The following LY75 variants were observed in gnomAD, a reference collection of about 807,000 sequenced individuals.
LY75 encodes the protein lymphocyte antigen 75, also known as C-type lectin domain family 13 member B.
Under a neutral mutation model 231.7 loss-of-function variants are expected in LY75, and 185 were observed. That is an observed-to-expected ratio of 0.80 (90% CI 0.71 to 0.90). The LOEUF (loss-of-function observed/expected upper bound fraction) is 0.90, where lower values mean the gene tolerates loss of function less well. Among genes scored for constraint, LY75 ranks in the 40% least tolerant of loss-of-function variants. The pLI is 0.00. For synonymous variants in LY75, 668 were observed against 689.0 expected (o/e 0.97, Z 0.48); for missense variants, 1,947 against 2,050.2 (o/e 0.95, Z 0.97).
At chr2:159,892,036 A>G (rs1241737602) in intron 3 of LY75, among the ~76,000 whole-genome samples, 2 of 152,196 alleles carry the variant, frequency 1.3e-5, no homozygotes, top group African/African-American at 4.8e-5. Flanking sequence ...CTCTAATTAG[A>G]TATGTAATCC....
intron 27 of LY75, 95 bp from the exon 28 acceptor site, chr2:159,831,881 T>C: frequency 2.1e-6 from 2 of 942,546 alleles, no homozygotes; most frequent in Admixed American, 3.1e-5. Flanking sequence ...CAGTTTAATA[T>C]ACTTCAAAAT....
intron 23 of LY75, among the ~76,000 whole-genome samples, chr2:159,846,410 C>T (rs1162369416): frequency 6.6e-6 from 1 of 152,098 alleles, no homozygotes; most frequent in Non-Finnish European, 1.5e-5. Flanking sequence ...TCCTGCAGTC[C>T]TAGCTACTTG....
At position 159,899,079 on chromosome 2, in the gene LY75, A is replaced by G. The variant is rs770034557; in HGVS notation, c.95-20T>C. 1.2e-6 allele frequency: 2 copies of G among 1,601,872 alleles called. No individual in the cohort carries two copies. Among genetic ancestry groups the G allele is most frequent in the Non-Finnish European group, 1.7e-6 (2 of 1,174,404 alleles). ...CATTAGCTGAGTCAAATGGACAGAC[A>G]GATTGTAGATTATGTGGTTGAAGCG... On this transcript the variant is annotated intron_variant, in intron 1 of 34. Transcript: ENST00000263636.
chr2:159,838,089 T>C (rs367677572), intron 25 of LY75, among the ~76,000 whole-genome samples: 5 of 152,324 alleles, frequency 3.3e-5, no homozygotes, highest in Admixed American at 2.6e-4. Context: ...TGCATGAATT[T>C]ATAGAAAAAT....
chr2:159,898,313 A>G lies in LY75; in HGVS notation c.466+375T>C, dbSNP rs371673283. ...TCTTTTAAAACTTAGAATAAGATCA[A>G]CATTATTAGATCATTTGACTTTTAG... On this transcript the variant is annotated intron_variant, in intron 2 of 34. Transcript: ENST00000263636. Among the ~76,000 whole-genome samples, 35 of 152,230 alleles carry G rather than the reference A, an allele frequency of 2.3e-4. No homozygotes were observed. In the East Asian group the frequency reaches 3.3e-3, roughly 14 times the overall value.
In LY75 at chr2:159,835,575, T is replaced by C. The variant is rs777861767; in HGVS notation, c.3578A>G (p.Gln1193Arg). 2 of 1,613,850 alleles carry C rather than the reference T, an allele frequency of 1.2e-6. No homozygotes were observed. The highest frequency in any genetic ancestry group is 2.2e-5 in the South Asian group (2 of 90,988). ...GTCTAATACTACACAGTCTTCGAGTTGCCCATTAGTTTCAGCCCAGCGACT... is the reference window on the plus strand; with the variant it reads ...GTCTAATACTACACAGTCTTCGAGTCGCCCATTAGTTTCAGCCCAGCGACT... ...HFSRWAETNG[Q>R]LEDCVVLDTD... The change falls in exon 26 of 35, where the codon CAA (glutamine) becomes CGA (arginine). Residue 1193 changes from glutamine to arginine, a missense_variant. Transcript: ENST00000263636.
intron 2 of LY75, among the ~76,000 whole-genome samples, chr2:159,896,685 T>C (rs1685917051): frequency 6.6e-6 from 1 of 152,148 alleles, no homozygotes; most frequent in African/African-American, 2.4e-5. Context: ...TATACATAAA[T>C]TGAAAAGGGT....
chr2:159,820,039 T>C, intron 28 of LY75, 119 bp from the exon 29 acceptor site: 1 of 912,990 alleles, frequency 1.1e-6, no homozygotes, highest in Non-Finnish European at 1.6e-6. Context: ...TAAAAGGTTG[T>C]ATGATTATGT....
At chr2:159,813,682 A>T (rs1244086562) in intron 31 of LY75, among the ~76,000 whole-genome samples, 1 of 152,122 alleles carries the variant, frequency 6.6e-6, no homozygotes, top group African/African-American at 2.4e-5. Context: ...TTTAGGGCCC[A>T]CCATTATCCA....
intron 25 of LY75, among the ~76,000 whole-genome samples, chr2:159,835,847 A>C (rs1367632633): frequency 6.6e-6 from 1 of 152,162 alleles, no homozygotes; most frequent in African/African-American, 2.4e-5. Flanking sequence ...CATATAGGAG[A>C]GGTACTATTA....
chr2:159,827,684 A>G (rs779330768), intron 28 of LY75, among the ~76,000 whole-genome samples: 1 of 152,234 alleles, frequency 6.6e-6, no homozygotes, highest in African/African-American at 2.4e-5. Context: ...CACTATTCCA[A>G]TAGCAAAGAC....
chr2:159,898,537 C>T (rs775391182), intron 2 of LY75, 151 bp downstream of exon 2: 4 of 1,302,598 alleles, frequency 3.1e-6, no homozygotes, highest in Non-Finnish European at 3.1e-6. Context: ...GTAAGAATGT[C>T]GCTCAAAGTA....
At chr2:159,874,821 A>AATATATATATTTTGTAAATATATGTAAAT (rs1560094231) in intron 12 of LY75, among the ~76,000 whole-genome samples, 1 of 85,536 alleles carries the variant, frequency 1.2e-5, no homozygotes, top group African/African-American at 3.9e-5. Context: ...AATTTATGTA[A>AATATATATATTTTGTAAATATATGTAAAT]ATATATATAT....
rs577125812 is a variant in LY75, at chr2:159,806,796, C to T, written c.4990+177G>A. 3.3e-5 allele frequency among the ~76,000 whole-genome samples: 5 copies of T among 152,272 alleles called. No homozygotes were observed. The Middle Eastern group carries it at 0.01, about 311-fold the overall frequency. On this transcript the variant is annotated intron_variant, in intron 34 of 34. Coordinates refer to ENST00000263636, the MANE Select transcript of LY75 (RefSeq NM_002349.4). The stretch of plus-strand genomic sequence containing the variant: ...AGTCCTGGACATCTTGTGCAGTTAT[C>T]GTCCCTTGTAATCTATTTTTCAGGG...
chr2:159,876,574 G>A (rs746685851), intron 11 of LY75, among the ~76,000 whole-genome samples: 2 of 152,090 alleles, frequency 1.3e-5, no homozygotes, highest in African/African-American at 2.4e-5. Context: ...GAGGATGGGT[G>A]CAATAATGGT....
chr2:159,816,801 CT>C lies in LY75; in HGVS notation c.4380+4del. 6.2e-7 allele frequency: 1 copy of C among 1,612,522 alleles called. No homozygotes were observed. Among genetic ancestry groups the C allele is most frequent in the Non-Finnish European group, 8.5e-7 (1 of 1,178,964 alleles). ...AAAGTTTCTGGAAAACGAAGCAAGA[CT>C]TACATCATGACTTGAGAGCCCAACC... is the stretch of plus-strand genomic sequence containing the variant. On this transcript the variant is annotated splice_donor_region_variant and intron_variant, in intron 30 of 34. Coordinates refer to ENST00000263636, the MANE Select transcript of LY75 (RefSeq NM_002349.4).
intron 28 of LY75, among the ~76,000 whole-genome samples, chr2:159,822,253 C>T (rs1002259003): frequency 1.3e-5 from 2 of 152,222 alleles, no homozygotes; most frequent in African/African-American, 4.8e-5. Flanking sequence ...TGGGTCCCAC[C>T]CCTATGGAGC....
Position 159,815,507 on chromosome 2 carries a change from T to C in LY75, c.4447A>G (p.Thr1483Ala), listed in dbSNP as rs768864607. The change falls in exon 31 of 35, where the codon ACA becomes GCA. Residue 1483 changes from threonine to alanine, a missense_variant. Physicochemically the swap from Thr to Ala is moderately conservative, Grantham distance 58 (BLOSUM62 0). Coordinates refer to ENST00000263636, the MANE Select transcript of LY75 (RefSeq NM_002349.4). ...TFDYIPWKGQTSPGNCVLLDP... is the reference protein window; with the variant it reads ...TFDYIPWKGQASPGNCVLLDP... Reference sequence around the variant, plus strand: ...AAGAGAACACAATTTCCAGGAGATGTTTGGCCTTTCCATGGGATATAGTCA... The same window carrying C: ...AAGAGAACACAATTTCCAGGAGATGCTTGGCCTTTCCATGGGATATAGTCA... The C allele has an allele frequency of 1.5e-5, 25 of 1,613,810 alleles. No homozygotes were observed. In the Admixed American group the frequency reaches 2.8e-4, roughly 18 times the overall value.
Position 159,878,650 on chromosome 2 carries a change from A to C in LY75, c.1587T>G (p.Asn529Lys). The C allele has an allele frequency of 6.2e-7, 1 of 1,614,040 alleles. No homozygotes were observed. The highest frequency in any genetic ancestry group is 1.1e-5 in the South Asian group (1 of 91,080). The change falls in exon 10 of 35, where the codon AAT becomes AAG. Residue 529 changes from asparagine (N) to lysine (K), a missense_variant. Transcript: ENST00000263636. Reference sequence around the variant, plus strand: ...GGTCACACCTGCTAGTGATAGTCAGATTGCAGTTTGTTCCAAAAGGGACCT... The same window carrying C: ...GGTCACACCTGCTAGTGATAGTCAGCTTGCAGTTTGTTCCAAAAGGGACCT... ...EDEVPFGTNC[N>K]LTITSRFEQE... is the part of the protein sequence containing the mutation.
Sources: gnomAD v4.1 joint callset for allele counts (sites outside exome capture counted in the v4.1 genomes callset) on GRCh38, gnomAD v4.1.1 for gene constraint, MANE v1.5 for transcripts, NCBI Gene and HGNC (gene_info 2026-07-23, HGNC 2026-07-21) for gene names.